The following SLC22A23 variants were observed in gnomAD, a reference collection of about 807,000 sequenced individuals.
SLC22A23 encodes the protein ion transporter protein.
Under a neutral mutation model 61.0 loss-of-function variants are expected in SLC22A23, and 26 were observed. That is an observed-to-expected ratio of 0.43 (90% CI 0.31 to 0.59). The LOEUF (loss-of-function observed/expected upper bound fraction) is 0.59, where lower values mean the gene tolerates loss of function less well. Among genes scored for constraint, SLC22A23 ranks in the 20% least tolerant of loss-of-function variants. SLC22A23 has a pLI of 0.11. For synonymous variants in SLC22A23, 430 were observed against 413.9 expected (o/e 1.04, Z -0.47); for missense variants, 796 against 934.7 (o/e 0.85, Z 1.94).
rs1487771939 is a variant in SLC22A23 at position 3,317,328 on chromosome 6, G to C, written c.1082+6506C>G. The stretch of plus-strand genomic sequence containing the variant: ...TTAAGCCATGTGCCCAGTGCAGGCT[G>C]TGGCCACCTGGAAGGGGCACCTTTC... On this transcript the variant is annotated intron_variant, in intron 4 of 9. Transcript: ENST00000406686. This position sits in a 1 kb window ranked among gnomAD's most constrained non-coding sequence, Gnocchi z 4.4. Among the ~76,000 whole-genome samples the C allele has an allele frequency of 6.6e-6, 1 of 152,206 alleles. No individual in the cohort carries two copies. The highest frequency in any genetic ancestry group is 2.4e-5 in the African/African-American group (1 of 41,452).
intron 1 of SLC22A23, among the ~76,000 whole-genome samples, chr6:3,452,622 AAAAAAAAAAAAAAAAAG>A (rs1271889676): frequency 3.4e-5 from 5 of 147,070 alleles, no homozygotes; most frequent in African/African-American, 1.3e-4. Flanking sequence ...AAAAAAAAAA[AAAAAAAAAAAAAAAAAG>A]CCTAGAGACT....
Position 3,298,081 on chromosome 6 carries a change from G to C in SLC22A23, c.1210+10C>G. ...CCTCTCTGAGCCCTGCCAGCCCGCGGTGTGCTCACCTGGTATCACACCCTT... is the reference window on the plus strand; with the variant it reads ...CCTCTCTGAGCCCTGCCAGCCCGCGCTGTGCTCACCTGGTATCACACCCTT... On this transcript the variant is annotated intron_variant, in intron 5 of 9. Transcript: ENST00000406686. 1 of 1,520,326 alleles carries C rather than the reference G, an allele frequency of 6.6e-7. No individual in the cohort carries two copies. Among genetic ancestry groups the C allele is most frequent in the Non-Finnish European group, 8.8e-7 (1 of 1,137,898 alleles). The allele number at this position is 1,520,326 out of a possible 1,614,324, so 94.2% of individuals were successfully genotyped here. A position where few individuals can be genotyped will look rare whatever the true frequency, so the allele number is the denominator to read the frequency against.
chr6:3,381,858 C>G (rs1266889749), intron 3 of SLC22A23, among the ~76,000 whole-genome samples: 2 of 152,202 alleles, frequency 1.3e-5, no homozygotes, highest in Non-Finnish European at 2.9e-5. Context: ...ATGAGCAAGA[C>G]ACACCCCTCA....
chr6:3,308,817 C>A lies in SLC22A23; in HGVS notation c.1083-10599G>T, dbSNP rs527977576. On this transcript the variant is annotated intron_variant, in intron 4 of 9. Transcript: ENST00000406686. This position sits in a 1 kb window ranked among gnomAD's most constrained non-coding sequence, Gnocchi z 5.1. ...AATTAGCCAAGCATGGTGGCGCAGG[C>A]CTGTAATCCCAGCTACTCAGGAGTC... 2.0e-5 allele frequency among the ~76,000 whole-genome samples: 3 copies of A among 151,962 alleles called. No individual in the cohort carries two copies. The South Asian group carries it at 6.3e-4, about 32-fold the overall frequency.
chr6:3,357,056 C>A (rs1765150560), intron 3 of SLC22A23, among the ~76,000 whole-genome samples: 3 of 86,060 alleles, frequency 3.5e-5, no homozygotes, highest in Admixed American at 1.4e-4. Context: ...AAAACAGAGC[C>A]AAAAAAAAAA....
chr6:3,275,645 T>C (rs1299406965), intron 9 of SLC22A23, among the ~76,000 whole-genome samples: 2 of 152,204 alleles, frequency 1.3e-5, no homozygotes, highest in Non-Finnish European at 1.5e-5. Flanking sequence ...TGTAGTGGCA[T>C]GATCTCGGCT....
intron 3 of SLC22A23, among the ~76,000 whole-genome samples, chr6:3,405,735 G>T (rs1768783023): frequency 6.6e-6 from 1 of 151,974 alleles, no homozygotes; most frequent in South Asian, 2.1e-4. Context: ...AAAATATATG[G>T]GATAGTGAGA....
chr6:3,430,982 C>T (rs1488785190), intron 1 of SLC22A23, among the ~76,000 whole-genome samples: 2 of 150,882 alleles, frequency 1.3e-5, no homozygotes, highest in African/African-American at 2.4e-5. Context: ...AGGAGAATCA[C>T]TTCAACCTGG....
intron 1 of SLC22A23, among the ~76,000 whole-genome samples, chr6:3,453,082 C>A (rs912501802): frequency 4.6e-5 from 7 of 152,172 alleles, no homozygotes; most frequent in Non-Finnish European, 1.0e-4. Context: ...TTAGAACACA[C>A]AGGGCCTGGC....
At chr6:3,370,231 A>G (rs1561931831) in intron 3 of SLC22A23, among the ~76,000 whole-genome samples, 1 of 152,244 alleles carries the variant, frequency 6.6e-6, no homozygotes, top group Admixed American at 6.5e-5. Context: ...CCCTTTTAAG[A>G]ATTATGCTTC....
chr6:3,442,639 G>A (rs183563196), intron 1 of SLC22A23, among the ~76,000 whole-genome samples: 100 of 152,178 alleles, frequency 6.6e-4, no homozygotes, highest in African/African-American at 2.4e-3. Flanking sequence ...TGCAAATTAC[G>A]ATGCTAAGTA....
intron 3 of SLC22A23, among the ~76,000 whole-genome samples, chr6:3,325,627 C>T (rs762205384): frequency 1.2e-4 from 19 of 152,182 alleles, no homozygotes; most frequent in Non-Finnish European, 2.1e-4. Flanking sequence ...AAGATCACTA[C>T]CTAGCAGGGT....
Position 3,270,296 on chromosome 6 carries a change from G to A in SLC22A23, c.*2759C>T, listed in dbSNP as rs1758397114. 6.6e-6 allele frequency: 1 copy of A among 152,426 alleles called. No individual in the cohort carries two copies. The highest frequency in any genetic ancestry group is 1.5e-5 in the Non-Finnish European group (1 of 68,090). The allele number at this position is 152,426 out of a possible 1,614,324, so 9.4% of individuals were successfully genotyped here. A position where few individuals can be genotyped will look rare whatever the true frequency, so the allele number is the denominator to read the frequency against. ...CAAGCGTGACAGACGGTGCTGGGAA[G>A]TGGGCAGCCGTAGCAGCCTCCCCTG... On this transcript the variant is annotated 3_prime_UTR_variant, in exon 10 of 10. Coordinates refer to ENST00000406686, the MANE Select transcript of SLC22A23 (RefSeq NM_015482.2).
chr6:3,414,599 C>T lies in SLC22A23; in HGVS notation c.758+1153G>A, dbSNP rs758235497. 1.3e-5 allele frequency among the ~76,000 whole-genome samples: 2 copies of T among 151,970 alleles called. No individual in the cohort carries two copies. Among genetic ancestry groups the T allele is most frequent in the South Asian group, 2.1e-4 (1 of 4,810 alleles). ...AATGTGACCCTCTGCTGCTGTCCGC[C>T]CAGGCACTTGCCTTGGCCAGCATTC... On this transcript the variant is annotated intron_variant, in intron 2 of 9. Coordinates refer to ENST00000406686, the MANE Select transcript of SLC22A23 (RefSeq NM_015482.2). The surrounding 1 kb of genome is among the most constrained non-coding windows in gnomAD (Gnocchi z 5.1).
At chr6:3,397,290 T>C (rs924640307) in intron 3 of SLC22A23, among the ~76,000 whole-genome samples, 1 of 152,212 alleles carries the variant, frequency 6.6e-6, no homozygotes, top group Non-Finnish European at 1.5e-5. Context: ...GATTAAATAG[T>C]TCCATAGCAC....
chr6:3,293,739 C>G (rs1403405819), intron 5 of SLC22A23, among the ~76,000 whole-genome samples: 1 of 152,220 alleles, frequency 6.6e-6, no homozygotes, highest in Admixed American at 6.5e-5. Flanking sequence ...GGCAAGGTAC[C>G]TAGCGTGGAA....
intron 3 of SLC22A23, among the ~76,000 whole-genome samples, chr6:3,379,371 G>C (rs1483896588): frequency 6.6e-6 from 1 of 152,114 alleles, no homozygotes; most frequent in Admixed American, 6.5e-5. Flanking sequence ...ACCACCTAAT[G>C]CTCCCTGATA....
chr6:3,366,638 T>C (rs976276770), intron 3 of SLC22A23, among the ~76,000 whole-genome samples: 5 of 152,208 alleles, frequency 3.3e-5, no homozygotes, highest in African/African-American at 1.2e-4. Flanking sequence ...ATGTGGACAA[T>C]ACTTCTATGC....
At chr6:3,362,640 G>A (rs906437355) in intron 3 of SLC22A23, among the ~76,000 whole-genome samples, 8 of 151,824 alleles carry the variant, frequency 5.3e-5, no homozygotes, top group South Asian at 4.2e-4. Flanking sequence ...TGGAACTCTG[G>A]GGCCAGGCAG....
Sources: gnomAD v4.1 joint callset for allele counts (sites outside exome capture counted in the v4.1 genomes callset) on GRCh38, gnomAD v4.1.1 for gene constraint, Gnocchi (gnomAD v3.1) non-coding constraint, MANE v1.5 for transcripts, NCBI Gene and HGNC (gene_info 2026-07-23, HGNC 2026-07-21) for gene names.